Variants in RALA observed in about 807,000 individuals in gnomAD.
RALA encodes the protein RAS like proto-oncogene A.
RALA carries 5 observed loss-of-function variants against 24.0 expected under a neutral mutation model. That is an observed-to-expected ratio of 0.21 (90% CI 0.11 to 0.44). RALA has a LOEUF of 0.44. RALA is among the 20% of genes least tolerant of loss of function. The pLI is 0.99. For missense variants in RALA, 95 were observed against 241.2 expected, an observed-to-expected ratio of 0.39 and a Z score of 4.01; for synonymous variants, 77 against 83.8, an observed-to-expected ratio of 0.92 and a Z score of 0.44.
chr7:39,674,096 A>AG (rs899258056), intron 1 of RALA, among the ~76,000 whole-genome samples: 22 of 151,618 alleles, frequency 1.5e-4, no homozygotes, highest in East Asian at 3.9e-4. Context: ...TAAAAGGTTG[A>AG]GGGGGGGTGG....
intron 1 of RALA, among the ~76,000 whole-genome samples, chr7:39,650,922 C>G (rs972345685): frequency 1.3e-5 from 2 of 152,192 alleles, no homozygotes; most frequent in Non-Finnish European, 2.9e-5. Context: ...ACATCAGCCT[C>G]TCCTTTGGAC....
At chr7:39,658,256 T>C (rs1270336407) in intron 1 of RALA, among the ~76,000 whole-genome samples, 3 of 152,168 alleles carry the variant, frequency 2.0e-5, no homozygotes, top group East Asian at 3.8e-4. Context: ...TTGCTCCTTT[T>C]TCTCCTTCAG....
intron 3 of RALA, among the ~76,000 whole-genome samples, chr7:39,695,635 C>G (rs1365734540): frequency 1.3e-5 from 2 of 151,974 alleles, no homozygotes; most frequent in African/African-American, 4.8e-5. Context: ...AACTCCTAGC[C>G]TCAAGCAATC....
rs551042573 is a variant in RALA, at chr7:39,708,033, C to T, written c.*1788C>T. On this transcript the variant is annotated 3_prime_UTR_variant, in exon 5 of 5. Coordinates refer to ENST00000005257, the MANE Select transcript of RALA (RefSeq NM_005402.4). The stretch of plus-strand genomic sequence containing the variant: ...GCTATGAAGCCAACTGACAAAGATG[C>T]ATCACGTGTCTTAGGCTGATGCCAC... 1 of 152,654 alleles carries T rather than the reference C, an allele frequency of 6.6e-6. No homozygotes were observed. Among genetic ancestry groups the T allele is most frequent in the Non-Finnish European group, 1.5e-5 (1 of 68,042 alleles). 9.5% of individuals were successfully genotyped at this position (152,654 alleles called of 1,614,324 possible).
intron 1 of RALA, among the ~76,000 whole-genome samples, chr7:39,651,767 TATAA>T (rs1792021885): frequency 6.6e-6 from 1 of 152,240 alleles, no homozygotes; most frequent in Admixed American, 6.5e-5. Context: ...AAAGTTAATA[TATAA>T]ATGCTGTTTG....
In RALA at chr7:39,668,797, CA is replaced by C. The variant is rs70996827; in HGVS notation, c.-37-17818del. On this transcript the variant is annotated intron_variant, in intron 1 of 4. Coordinates refer to ENST00000005257, the MANE Select transcript of RALA (RefSeq NM_005402.4). ...GAGCAACAAGAGCGAAATTCCATCTCAAAAAAAAAAAAAAAAGAAAAGAAAA... is the reference window on the plus strand; with the variant it reads ...GAGCAACAAGAGCGAAATTCCATCTCAAAAAAAAAAAAAAAGAAAAGAAAA... Among the ~76,000 whole-genome samples, 224 of 81,858 alleles carry C rather than the reference CA, an allele frequency of 2.7e-3. 1 individual carries two copies. The highest frequency in any genetic ancestry group is 0.01 in the Middle Eastern group (1 of 96). The allele number at this position is 81,858 out of a possible 152,430, so 53.7% of individuals were successfully genotyped here.
intron 3 of RALA, among the ~76,000 whole-genome samples, chr7:39,694,104 A>G (rs761625317): frequency 6.6e-6 from 1 of 152,234 alleles, no homozygotes; most frequent in Non-Finnish European, 1.5e-5. Context: ...TTCTCAAACA[A>G]CACTGTGAGA....
intron 1 of RALA, among the ~76,000 whole-genome samples, chr7:39,645,966 A>G (rs143418976): frequency 6.6e-6 from 1 of 152,214 alleles, no homozygotes; most frequent in Non-Finnish European, 1.5e-5. Context: ...GGAGTCATCA[A>G]AACAATTTAA....
At chr7:39,624,997 A>C (rs1359818142) in intron 1 of RALA, among the ~76,000 whole-genome samples, 1 of 152,200 alleles carries the variant, frequency 6.6e-6, no homozygotes, top group African/African-American at 2.4e-5. Context: ...ATTATTGTGA[A>C]GTATTATCTG....
intron 1 of RALA, among the ~76,000 whole-genome samples, chr7:39,650,459 A>G (rs994548351): frequency 2.6e-5 from 4 of 152,200 alleles, no homozygotes; most frequent in African/African-American, 9.6e-5. Context: ...AGATAGGATG[A>G]AATATGAGTG....
intron 1 of RALA, among the ~76,000 whole-genome samples, chr7:39,670,428 T>A (rs1273473781): frequency 6.6e-6 from 1 of 152,216 alleles, no homozygotes; most frequent in African/African-American, 2.4e-5. Flanking sequence ...ATTATAGGTG[T>A]TAGCCACCAT....
At chr7:39,705,357 A>G (rs900100122) in intron 4 of RALA, among the ~76,000 whole-genome samples, 11 of 152,222 alleles carry the variant, frequency 7.2e-5, no homozygotes, top group Non-Finnish European at 1.2e-4. Context: ...TAAATCCAGA[A>G]TTCAAAAGTG....
At chr7:39,676,226 C>T (rs550177469) in intron 1 of RALA, among the ~76,000 whole-genome samples, 4 of 152,272 alleles carry the variant, frequency 2.6e-5, no homozygotes, top group African/African-American at 7.2e-5. Context: ...CTGCCTGCCT[C>T]GGCCTCCCAA....
intron 3 of RALA, among the ~76,000 whole-genome samples, chr7:39,694,687 A>T (rs1203788722): frequency 2.0e-5 from 3 of 152,126 alleles, no homozygotes; most frequent in Non-Finnish European, 4.4e-5. Context: ...TCTAAGAAGC[A>T]CAGAATAGAA....
At chr7:39,680,651 C>T (rs1279761082) in intron 1 of RALA, among the ~76,000 whole-genome samples, 1 of 150,126 alleles carries the variant, frequency 6.7e-6, no homozygotes, top group Non-Finnish European at 1.5e-5. Context: ...TTCATTTTGT[C>T]ACTTAAATCT....
intron 1 of RALA, among the ~76,000 whole-genome samples, chr7:39,663,705 T>C (rs1792237814): frequency 6.6e-6 from 1 of 152,132 alleles, no homozygotes; most frequent in Admixed American, 6.5e-5. Context: ...TTGCATTTGT[T>C]GCAAAATACA....
intron 1 of RALA, among the ~76,000 whole-genome samples, chr7:39,675,904 T>C (rs1352355898): frequency 1.3e-5 from 2 of 152,164 alleles, no homozygotes; most frequent in Non-Finnish European, 2.9e-5. Flanking sequence ...TGAAATACTT[T>C]CCATTCACTA....
At chr7:39,656,727 A>G (rs1792102972) in intron 1 of RALA, among the ~76,000 whole-genome samples, 1 of 152,150 alleles carries the variant, frequency 6.6e-6, no homozygotes, top group African/African-American at 2.4e-5. Flanking sequence ...CAGATTGGTG[A>G]ATGTGGAAGT....
chr7:39,628,923 T>G (rs1205583584), intron 1 of RALA, among the ~76,000 whole-genome samples: 1 of 152,234 alleles, frequency 6.6e-6, no homozygotes, highest in African/African-American at 2.4e-5. Flanking sequence ...AGTCAGTAGC[T>G]GTGTGAAAAG....
Sources: gnomAD v4.1 joint callset for allele counts (sites outside exome capture counted in the v4.1 genomes callset) on GRCh38, gnomAD v4.1.1 for gene constraint, MANE v1.5 for transcripts, NCBI Gene and HGNC (gene_info 2026-07-23, HGNC 2026-07-21) for gene names.